Variants in TBL1XR1 observed in about 807,000 individuals in gnomAD.
TBL1XR1 encodes TBL1X/Y related 1.
In TBL1XR1, 5 loss-of-function variants were observed where a neutral mutation model predicts 66.9. The observed-to-expected ratio is 0.07, with a 90% CI of 0.04 to 0.16. The LOEUF is 0.16. TBL1XR1 is among the 10% of genes least tolerant of loss of function. The pLI, the probability that TBL1XR1 is intolerant of heterozygous loss-of-function variation, is 1.00. For missense variants in TBL1XR1, 238 were observed against 623.2 expected (o/e 0.38, Z 6.58); for synonymous variants, 210 against 206.0 (o/e 1.02, Z -0.17).
chr3:177,094,392 A>G (rs1298015093), intron 2 of TBL1XR1, among the ~76,000 whole-genome samples: 1 of 152,218 alleles, frequency 6.6e-6, no homozygotes, highest in Non-Finnish European at 1.5e-5. Context: ...AACTAGTACA[A>G]CCATTATGGA....
intron 1 of TBL1XR1, among the ~76,000 whole-genome samples, chr3:177,102,701 T>C (rs937906584): frequency 7.9e-5 from 12 of 152,252 alleles, no homozygotes; most frequent in African/African-American, 2.9e-4. Context: ...TGCAGTGTTA[T>C]CTGCACTCTT....
At chr3:177,105,258 G>A (rs566824576) in intron 1 of TBL1XR1, among the ~76,000 whole-genome samples, 4 of 152,250 alleles carry the variant, frequency 2.6e-5, no homozygotes, top group Admixed American at 6.5e-5. Context: ...TTTGAAATAC[G>A]ACAGATATGA....
chr3:177,065,141 CTAA>C (rs1362328474), intron 2 of TBL1XR1, 119 bp from the exon 3 acceptor site: 1 of 573,966 alleles, frequency 1.7e-6, no homozygotes, highest in Non-Finnish European at 2.7e-6. Context: ...TCTACATTGC[CTAA>C]TAATAAAACC....
At chr3:177,033,883 C>A (rs1714374576) in intron 13 of TBL1XR1, among the ~76,000 whole-genome samples, 1 of 151,938 alleles carries the variant, frequency 6.6e-6, no homozygotes, top group Admixed American at 6.6e-5. Flanking sequence ...GCTATGAGGA[C>A]ACAAAGGTAT....
chr3:177,093,189 A>T (rs1023037951), intron 2 of TBL1XR1, among the ~76,000 whole-genome samples: 2 of 152,196 alleles, frequency 1.3e-5, no homozygotes, highest in Non-Finnish European at 2.9e-5. Context: ...GGAGAATCAA[A>T]CCAAGAACTC....
chr3:177,085,775 G>C (rs1448388399), intron 2 of TBL1XR1, among the ~76,000 whole-genome samples: 3 of 152,018 alleles, frequency 2.0e-5, no homozygotes, highest in Non-Finnish European at 4.4e-5. Context: ...GCTCTCAAAA[G>C]TAATGAAAAA....
At chr3:177,048,130 A>C (rs1367841536) in intron 7 of TBL1XR1, among the ~76,000 whole-genome samples, 1 of 152,192 alleles carries the variant, frequency 6.6e-6, no homozygotes. Context: ...AACAAGGAAA[A>C]GAGCCAGAAA....
intron 1 of TBL1XR1, among the ~76,000 whole-genome samples, chr3:177,139,117 A>G (rs1729331877): frequency 6.6e-6 from 1 of 152,206 alleles, no homozygotes; most frequent in Non-Finnish European, 1.5e-5. Context: ...AGACAAACAT[A>G]TTTTAATTCT....
At position 177,190,189 on chromosome 3, in the gene TBL1XR1, A is replaced by G. The variant is rs534600300; in HGVS notation, c.-122+6932T>C. ...AGTCCAAAATCTTAAGCATCATTAT[A>G]CCTAACTACCTGACACATATATAAC... On this transcript the variant is annotated intron_variant, in intron 1 of 15. Coordinates refer to ENST00000457928, the MANE Select transcript of TBL1XR1 (RefSeq NM_024665.7). 2.0e-5 allele frequency among the ~76,000 whole-genome samples: 3 copies of G among 150,620 alleles called. No individual in the cohort carries two copies. The South Asian group carries it at 6.3e-4, about 31-fold the overall frequency.
intron 1 of TBL1XR1, among the ~76,000 whole-genome samples, chr3:177,157,801 G>C (rs1324232034): frequency 1.6e-4 from 25 of 152,156 alleles, no homozygotes; most frequent in Admixed American, 1.4e-3. Flanking sequence ...GGGACTAACT[G>C]CAATTGGGAA....
chr3:177,031,579 C>T lies in TBL1XR1; in HGVS notation c.1416+1392G>A, dbSNP rs138327256. ...CTCCTGACCTCAAGAGAACTGCCCG[C>T]CTTGGCCTCCCAAAGTGCTGGGATT... On this transcript the variant is annotated intron_variant, in intron 14 of 15. Coordinates refer to ENST00000457928, the MANE Select transcript of TBL1XR1 (RefSeq NM_024665.7). Among the ~76,000 whole-genome samples, 790 of 149,876 alleles carry T rather than the reference C, an allele frequency of 5.3e-3. 12 individuals are homozygous for T. The highest frequency in any genetic ancestry group is 0.018 in the African/African-American group (763 of 41,276).
intron 1 of TBL1XR1, among the ~76,000 whole-genome samples, chr3:177,190,544 C>G (rs1736017438): frequency 6.6e-6 from 1 of 152,172 alleles, no homozygotes; most frequent in Admixed American, 6.5e-5. Context: ...TCTCAAACTC[C>G]TGACCTCAGG....
intron 10 of TBL1XR1, among the ~76,000 whole-genome samples, chr3:177,038,902 C>T (rs1309643628): frequency 6.6e-6 from 1 of 152,090 alleles, no homozygotes; most frequent in Non-Finnish European, 1.5e-5. Flanking sequence ...GCAAGTGTTA[C>T]CCTCACACAC....
At chr3:177,074,385 C>T (rs990196507) in intron 2 of TBL1XR1, among the ~76,000 whole-genome samples, 2 of 152,178 alleles carry the variant, frequency 1.3e-5, no homozygotes, top group African/African-American at 4.8e-5. Flanking sequence ...AAAGTCCTTG[C>T]GTATGAGCCA....
Position 177,026,490 on chromosome 3 carries a change from A to G in TBL1XR1, c.1417-16T>C. ...GAGCACCTGTCTAAAAGAATGAAAA[A>G]CAAAATCTTAAAAATCGTAATACAT... On this transcript the variant is annotated splice_polypyrimidine_tract_variant and intron_variant, in intron 14 of 15. Transcript: ENST00000457928. 1 of 1,554,682 alleles carries G rather than the reference A, an allele frequency of 6.4e-7. No individual in the cohort carries two copies. Among genetic ancestry groups the G allele is most frequent in the Non-Finnish European group, 8.7e-7 (1 of 1,153,060 alleles).
At chr3:177,165,105 A>C (rs1732668235) in intron 1 of TBL1XR1, among the ~76,000 whole-genome samples, 1 of 152,236 alleles carries the variant, frequency 6.6e-6, no homozygotes, top group Admixed American at 6.5e-5. Flanking sequence ...AGGAAGAAAT[A>C]AAACTATCTT....
chr3:177,032,977 G>A lies in TBL1XR1; in HGVS notation c.1410C>T (p.Asn470=). The A allele has an allele frequency of 6.3e-7, 1 of 1,580,776 alleles. No individual in the cohort carries two copies. Among genetic ancestry groups the A allele is most frequent in the African/African-American group, 1.4e-5 (1 of 74,062 alleles). ...TTAAATAATGAAGACATACCTGCGTGTTCCAGATGTGTACACATTTGTCAA... is the reference window on the plus strand; with the variant it reads ...TTAAATAATGAAGACATACCTGCGTATTCCAGATGTGTACACATTTGTCAA... ...GSFDKCVHIW[N]TQTGALVHSY... Residue 470 remains asparagine, a synonymous_variant, in exon 14 of 16, where the codon AAC becomes AAT. Coordinates refer to ENST00000457928, the MANE Select transcript of TBL1XR1 (RefSeq NM_024665.7).
chr3:177,074,266 A>G (rs1016652201), intron 2 of TBL1XR1, among the ~76,000 whole-genome samples: 1 of 152,230 alleles, frequency 6.6e-6, no homozygotes, highest in Non-Finnish European at 1.5e-5. Context: ...TGTGTTTAAT[A>G]ATGCCAAGAA....
chr3:177,139,660 A>G (rs990041312), intron 1 of TBL1XR1, among the ~76,000 whole-genome samples: 1 of 113,714 alleles, frequency 8.8e-6, no homozygotes, highest in Non-Finnish European at 1.8e-5. Flanking sequence ...AAAAACCCAA[A>G]AATATAGTTA....
Sources: gnomAD v4.1 joint callset for allele counts (sites outside exome capture counted in the v4.1 genomes callset) on GRCh38, gnomAD v4.1.1 for gene constraint, MANE v1.5 for transcripts, NCBI Gene and HGNC (gene_info 2026-07-23, HGNC 2026-07-21) for gene names.